The following CNTN3 variants were observed in gnomAD, a reference collection of about 807,000 sequenced individuals.
CNTN3 encodes the protein contactin 3.
Under a neutral mutation model 119.1 loss-of-function variants are expected in CNTN3, and 60 were observed. The observed-to-expected ratio is 0.50, with a 90% CI of 0.41 to 0.62. The LOEUF (loss-of-function observed/expected upper bound fraction) is 0.62, where lower values mean the gene tolerates loss of function less well. CNTN3 is among the 20% of genes least tolerant of loss of function. CNTN3 has a pLI of 0.00. For synonymous variants in CNTN3, 450 were observed against 438.7 expected (o/e 1.03, Z -0.32); for missense variants, 1,101 against 1,242.4 (o/e 0.89, Z 1.71).
intron 11 of CNTN3, among the ~76,000 whole-genome samples, 198 bp from the exon 12 acceptor site, chr3:74,336,856 T>C (rs182152118): frequency 1.3e-5 from 2 of 151,930 alleles, no homozygotes; most frequent in Admixed American, 1.3e-4. Flanking sequence ...ACGCACAGCA[T>C]TGGATGACAA....
chr3:74,455,476 G>A (rs1016368022), intron 4 of CNTN3, among the ~76,000 whole-genome samples: 4 of 151,786 alleles, frequency 2.6e-5, no homozygotes, highest in East Asian at 1.9e-4. Flanking sequence ...TAGTTTGATC[G>A]TCTGAAGCCT....
At chr3:74,466,967 T>G (rs1559617939) in intron 4 of CNTN3, among the ~76,000 whole-genome samples, 1 of 152,154 alleles carries the variant, frequency 6.6e-6, no homozygotes, top group Non-Finnish European at 1.5e-5. Context: ...ATGGGAAATT[T>G]TTATTAATAA....
intron 11 of CNTN3, among the ~76,000 whole-genome samples, chr3:74,346,621 A>T (rs1703694202): frequency 6.6e-6 from 1 of 152,186 alleles, no homozygotes; most frequent in South Asian, 2.1e-4. Context: ...ATCATAAATT[A>T]TGAGTAAGTC....
intron 4 of CNTN3, among the ~76,000 whole-genome samples, chr3:74,468,943 G>T (rs1472441894): frequency 6.6e-6 from 1 of 152,070 alleles, no homozygotes; most frequent in Non-Finnish European, 1.5e-5. Context: ...CTGCTTTAAA[G>T]GGAAAAAGGC....
intron 5 of CNTN3, among the ~76,000 whole-genome samples, chr3:74,386,863 C>T (rs2106821032): frequency 6.6e-6 from 1 of 152,242 alleles, no homozygotes; most frequent in East Asian, 1.9e-4. Context: ...GCTTGATTGT[C>T]CTCAGAGGGT....
intron 18 of CNTN3, among the ~76,000 whole-genome samples, chr3:74,295,637 G>A (rs1423425829): frequency 6.6e-6 from 1 of 152,116 alleles, no homozygotes; most frequent in Non-Finnish European, 1.5e-5. Flanking sequence ...TCTAGGTTAA[G>A]TAAAGCTCAT....
intron 1 of CNTN3, among the ~76,000 whole-genome samples, chr3:74,573,888 G>A (rs1704372806): frequency 6.6e-6 from 1 of 152,018 alleles, no homozygotes; most frequent in South Asian, 2.1e-4. Flanking sequence ...AAACAGGCTG[G>A]CCATTTTCCA....
At position 74,336,497 on chromosome 3, in the gene CNTN3, C is replaced by T. The variant is rs115459533; in HGVS notation, c.1492+34G>A. ...ATAATAATACATCTTACAGTGAATCCGTATGTAAAGCAATATTTTAGAAAT... is the reference window on the plus strand; with the variant it reads ...ATAATAATACATCTTACAGTGAATCTGTATGTAAAGCAATATTTTAGAAAT... On this transcript the variant is annotated intron_variant, in intron 12 of 22. Transcript: ENST00000263665. 1.2e-3 allele frequency: 1,893 copies of T among 1,604,300 alleles called. 8 individuals carry two copies. Among genetic ancestry groups the T allele is most frequent in the South Asian group, 5.5e-3 (498 of 90,412 alleles).
intron 1 of CNTN3, among the ~76,000 whole-genome samples, chr3:74,552,957 TTTAAG>T (rs1559655310): frequency 1.3e-5 from 2 of 152,168 alleles, no homozygotes; most frequent in Non-Finnish European, 1.5e-5. Context: ...TTAATTGTAC[TTTAAG>T]TTATGAGTTA....
intron 4 of CNTN3, among the ~76,000 whole-genome samples, chr3:74,446,684 T>TTG (rs1702053914): frequency 5.8e-3 from 1 of 172 alleles, no homozygotes; most frequent in Non-Finnish European, 0.071. Context: ...ATTTTACTTG[T>TTG]TTTTTTTTTT....
intron 5 of CNTN3, among the ~76,000 whole-genome samples, chr3:74,420,186 G>C (rs1461212526): frequency 6.6e-6 from 1 of 152,174 alleles, no homozygotes; most frequent in African/African-American, 2.4e-5. Context: ...GCAGTCTGTT[G>C]CTGCGAGGTT....
At chr3:74,571,831 T>C (rs1414740029) in intron 1 of CNTN3, among the ~76,000 whole-genome samples, 8 of 152,194 alleles carry the variant, frequency 5.3e-5, no homozygotes, top group Admixed American at 5.2e-4. Flanking sequence ...AAAAATGTTT[T>C]ATCACTTTTC....
intron 5 of CNTN3, among the ~76,000 whole-genome samples, chr3:74,378,326 C>T (rs1323814460): frequency 1.3e-5 from 2 of 152,210 alleles, no homozygotes; most frequent in Non-Finnish European, 2.9e-5. Context: ...AGACATCTAT[C>T]AGCATGTTTA....
intron 5 of CNTN3, among the ~76,000 whole-genome samples, chr3:74,372,239 A>C (rs1382835114): frequency 1.3e-5 from 2 of 152,158 alleles, no homozygotes; most frequent in Admixed American, 1.3e-4. Flanking sequence ...GAAACACTCA[A>C]AGGCACTTAG....
intron 20 of CNTN3, among the ~76,000 whole-genome samples, chr3:74,282,684 A>G (rs532907523): frequency 5.0e-4 from 76 of 150,798 alleles, no homozygotes; most frequent in African/African-American, 1.7e-3. Flanking sequence ...GAGCCTTACC[A>G]AAATTTTAAA....
chr3:74,497,370 C>T (rs1259782107), intron 3 of CNTN3, among the ~76,000 whole-genome samples: 1 of 151,786 alleles, frequency 6.6e-6, no homozygotes, highest in Non-Finnish European at 1.5e-5. Flanking sequence ...TCTAAAAAGA[C>T]AAATTTGTCA....
At chr3:74,607,574 A>C (rs1705013990) in intron 1 of CNTN3, among the ~76,000 whole-genome samples, 1 of 152,194 alleles carries the variant, frequency 6.6e-6, no homozygotes, top group Admixed American at 6.5e-5. Context: ...CAAACGTAGC[A>C]TGGGGAAGTC....
intron 13 of CNTN3, among the ~76,000 whole-genome samples, chr3:74,332,173 G>A (rs979224566): frequency 2.0e-5 from 3 of 152,162 alleles, no homozygotes; most frequent in Admixed American, 2.0e-4. Context: ...GAACCCACTG[G>A]GGAAAAAGGC....
intron 1 of CNTN3, among the ~76,000 whole-genome samples, chr3:74,610,465 A>G (rs1049194657): frequency 1.3e-5 from 2 of 152,210 alleles, no homozygotes; most frequent in African/African-American, 4.8e-5. Flanking sequence ...AGCTCAACAC[A>G]TCTGCAGAAA....
Sources: allele counts gnomAD v4.1 joint callset (sites outside exome capture counted in the v4.1 genomes callset), GRCh38; gene constraint gnomAD v4.1.1; transcripts MANE v1.5; gene names NCBI Gene and HGNC (gene_info 2026-07-23, HGNC 2026-07-21).